The following LRP1B variants were observed in gnomAD, a reference collection of about 807,000 sequenced individuals.
LRP1B encodes LDL receptor related protein 1B.
In LRP1B, 217 loss-of-function variants were observed where a neutral mutation model predicts 556.6. That is an observed-to-expected ratio of 0.39 (90% confidence interval 0.35 to 0.44). The LOEUF is 0.44. Among genes scored for constraint, LRP1B ranks in the 20% least tolerant of loss-of-function variants. LRP1B has a pLI of 1.00. For missense variants in LRP1B, 5,053 were observed against 5,620.8 expected, an observed-to-expected ratio of 0.90 and a Z score of 3.23; for synonymous variants, 2,047 against 1,865.8, an observed-to-expected ratio of 1.10 and a Z score of -2.50.
intron 4 of LRP1B, among the ~76,000 whole-genome samples, chr2:141,251,307 T>A (rs937298345): frequency 6.6e-6 from 1 of 152,070 alleles, no homozygotes; most frequent in African/African-American, 2.4e-5. Flanking sequence ...AAGTTCTTTA[T>A]GAAAATTATA....
At chr2:140,664,005 G>T (rs1016009671) in intron 41 of LRP1B, among the ~76,000 whole-genome samples, 2 of 152,118 alleles carry the variant, frequency 1.3e-5, no homozygotes, top group Non-Finnish European at 2.9e-5. Context: ...AAAGACACAG[G>T]GAAGGACCGG....
intron 15 of LRP1B, among the ~76,000 whole-genome samples, chr2:140,999,961 G>T (rs1697366118): frequency 6.6e-6 from 1 of 151,930 alleles, no homozygotes; most frequent in Admixed American, 6.6e-5. Flanking sequence ...ACCTAGGCTG[G>T]AGAGCAGTGG....
intron 11 of LRP1B, among the ~76,000 whole-genome samples, chr2:141,046,071 G>GA (rs762844257): frequency 2.4e-4 from 36 of 151,818 alleles, no homozygotes; most frequent in Non-Finnish European, 3.8e-4. Context: ...ACCTCTAGGA[G>GA]AAAAAAAATC....
At chr2:140,480,991 C>T (rs904232815) in intron 59 of LRP1B, among the ~76,000 whole-genome samples, 2 of 151,714 alleles carry the variant, frequency 1.3e-5, no homozygotes, top group African/African-American at 4.8e-5. Flanking sequence ...CTCAGCCTCC[C>T]AGGTAGCTGG....
intron 2 of LRP1B, among the ~76,000 whole-genome samples, chr2:141,615,350 T>C (rs1210060171): frequency 6.6e-6 from 1 of 152,214 alleles, no homozygotes; most frequent in Non-Finnish European, 1.5e-5. Context: ...TCATTTATTG[T>C]ATATGTCCTT....
chr2:140,258,468 A>T (rs1681794279), intron 86 of LRP1B, among the ~76,000 whole-genome samples: 1 of 152,144 alleles, frequency 6.6e-6, no homozygotes, highest in Admixed American at 6.6e-5. Flanking sequence ...TTGCACTACT[A>T]ACCTTTCGTT....
At chr2:140,706,274 A>C (rs1412430844) in intron 37 of LRP1B, among the ~76,000 whole-genome samples, 2 of 152,116 alleles carry the variant, frequency 1.3e-5, no homozygotes, top group Non-Finnish European at 2.9e-5. Context: ...GTTGTGAAAA[A>C]CGTGTTCACT....
intron 2 of LRP1B, among the ~76,000 whole-genome samples, chr2:141,803,963 G>A (rs1363535234): frequency 6.6e-6 from 1 of 152,050 alleles, no homozygotes; most frequent in African/African-American, 2.4e-5. Flanking sequence ...GTCAATTCAT[G>A]CAGATTCACA....
At chr2:141,527,424 A>T (rs75680191) in intron 2 of LRP1B, among the ~76,000 whole-genome samples, 1 of 151,956 alleles carries the variant, frequency 6.6e-6, no homozygotes, top group Non-Finnish European at 1.5e-5. Flanking sequence ...AAAAAAAAAA[A>T]TCACCAATTC....
intron 7 of LRP1B, among the ~76,000 whole-genome samples, chr2:141,071,148 T>C (rs1168489983): frequency 6.6e-6 from 1 of 151,260 alleles, no homozygotes; most frequent in Non-Finnish European, 1.5e-5. Flanking sequence ...ATCAAAAAGC[T>C]TATCCACCAT....
intron 43 of LRP1B, among the ~76,000 whole-genome samples, chr2:140,543,499 A>C (rs1680212133): frequency 6.6e-6 from 1 of 151,954 alleles, no homozygotes; most frequent in Non-Finnish European, 1.5e-5. Flanking sequence ...CTAAAGAAGA[A>C]AACTCATATA....
chr2:141,490,771 T>C (rs2105111625), intron 2 of LRP1B, among the ~76,000 whole-genome samples: 1 of 152,066 alleles, frequency 6.6e-6, no homozygotes, highest in East Asian at 1.9e-4. Flanking sequence ...TGATTAAAAA[T>C]CAGTGCTCTT....
chr2:141,714,385 G>T (rs1235063056), intron 2 of LRP1B, among the ~76,000 whole-genome samples: 1 of 150,160 alleles, frequency 6.7e-6, no homozygotes, highest in Non-Finnish European at 1.5e-5. Context: ...TGCTTCAGCT[G>T]TGAATGATGT....
intron 1 of LRP1B, among the ~76,000 whole-genome samples, chr2:141,927,612 T>C (rs1445767990): frequency 6.6e-6 from 1 of 152,056 alleles, no homozygotes; most frequent in Non-Finnish European, 1.5e-5. Flanking sequence ...CATTTTTCTA[T>C]GCTATCTTTC....
At position 140,322,094 on chromosome 2, in the gene LRP1B, G is replaced by GA; in HGVS notation, c.12515-7dup. On this transcript the variant is annotated splice_region_variant and splice_polypyrimidine_tract_variant and intron_variant, in intron 81 of 90. Transcript: ENST00000389484. ...ATCCAAGCATGGATTGGGTACTGGT[G>GA]AAACAAAAGAAAACAAAGAAGTGTG... 6.2e-7 allele frequency: 1 copy of GA among 1,608,980 alleles called. No individual in the cohort carries two copies. Among genetic ancestry groups the GA allele is most frequent in the African/African-American group, 1.3e-5 (1 of 74,558 alleles).
rs61452559 is a variant in LRP1B, at chr2:141,139,338, T to TA, written c.1013+49082dup. Among the ~76,000 whole-genome samples the TA allele has an allele frequency of 1.3e-3, 203 of 151,630 alleles. 1 individual carries two copies. Among genetic ancestry groups the TA allele is most frequent in the African/African-American group, 3.7e-3 (154 of 41,472 alleles). Reference sequence around the variant, plus strand: ...AATTTAACACCAACATCACAGTCTATAAAAAAAATGATAAACTTCATCAAA... The same window carrying TA: ...AATTTAACACCAACATCACAGTCTATAAAAAAAAATGATAAACTTCATCAAA... On this transcript the variant is annotated intron_variant, in intron 7 of 90. Transcript: ENST00000389484.
chr2:142,089,206 T>A (rs932134440), intron 1 of LRP1B, among the ~76,000 whole-genome samples: 5 of 108,882 alleles, frequency 4.6e-5, no homozygotes, highest in African/African-American at 1.9e-4. Context: ...TCAATCAATA[T>A]TAATTTTAGT....
At chr2:140,277,501 C>T (rs1267534129) in intron 84 of LRP1B, among the ~76,000 whole-genome samples, 8 of 151,944 alleles carry the variant, frequency 5.3e-5, no homozygotes, top group Admixed American at 2.0e-4. Context: ...GCAGGAGAAT[C>T]GCTTGAACCC....
At position 141,356,679 on chromosome 2, in the gene LRP1B, A is replaced by G. The variant is rs142850931; in HGVS notation, c.344-102038T>C. ...TACCTTGGCTAATATTAAAGTTGAC[A>G]TGACATTTTTGGTTTCTCTCACTTT... On this transcript the variant is annotated intron_variant, in intron 3 of 90. Coordinates refer to ENST00000389484, the MANE Select transcript of LRP1B (RefSeq NM_018557.3). 1.7e-3 allele frequency among the ~76,000 whole-genome samples: 256 copies of G among 152,240 alleles called. 1 individual carries two copies. Among genetic ancestry groups the G allele is most frequent in the African/African-American group, 6.0e-3 (249 of 41,562 alleles).
Sources: gnomAD v4.1 joint callset for allele counts (sites outside exome capture counted in the v4.1 genomes callset) on GRCh38, gnomAD v4.1.1 for gene constraint, MANE v1.5 for transcripts, NCBI Gene and HGNC (gene_info 2026-07-23, HGNC 2026-07-21) for gene names.